Variants in SLC25A28 observed in about 807,000 individuals in gnomAD.
SLC25A28 encodes the protein mitoferrin-2.
Under a neutral mutation model 31.9 loss-of-function variants are expected in SLC25A28, and 10 were observed. That is an observed-to-expected ratio of 0.31 (90% CI 0.19 to 0.53). The LOEUF is 0.53. SLC25A28 is among the 20% of genes least tolerant of loss of function. The pLI, the probability that SLC25A28 is intolerant of heterozygous loss-of-function variation, is 0.95. For missense variants in SLC25A28, 256 were observed against 490.3 expected, an observed-to-expected ratio of 0.52 and a Z score of 4.51; for synonymous variants, 208 against 203.6, an observed-to-expected ratio of 1.02 and a Z score of -0.19.
the SLC25A28 span, among the ~76,000 whole-genome samples, chr10:99,640,345 T>C: frequency 1.3e-5 from 2 of 152,220 alleles, no homozygotes; most frequent in African/African-American, 2.4e-5. Context: ...ATTATGGCTA[T>C]TGGCAGGAGG....
chr10:99,658,734 A>G, the SLC25A28 span, among the ~76,000 whole-genome samples: 1 of 152,088 alleles, frequency 6.6e-6, no homozygotes, highest in Non-Finnish European at 1.5e-5. Flanking sequence ...GGCGCAATGG[A>G]TGTGCCACGT....
At chr10:99,644,022 C>A in the SLC25A28 span, among the ~76,000 whole-genome samples, 1 of 152,160 alleles carries the variant, frequency 6.6e-6, no homozygotes, top group African/African-American at 2.4e-5. Flanking sequence ...CGATGTGGTG[C>A]TGAGAAGAAT....
chr10:99,636,929 A>G, the SLC25A28 span, among the ~76,000 whole-genome samples: 34 of 152,332 alleles, frequency 2.2e-4, no homozygotes, highest in Admixed American at 5.2e-4. Context: ...AACCCTCCCT[A>G]ATTCATTCTA....
chr10:99,628,717 A>C, the SLC25A28 span, among the ~76,000 whole-genome samples: 1 of 152,208 alleles, frequency 6.6e-6, no homozygotes, highest in South Asian at 2.1e-4. Flanking sequence ...GCTACTCAGG[A>C]GGCTGAGGCA....
the SLC25A28 span, among the ~76,000 whole-genome samples, chr10:99,630,336 GT>G: frequency 1.3e-5 from 2 of 152,110 alleles, no homozygotes; most frequent in East Asian, 3.9e-4. Context: ...GTTTCACCAC[GT>G]TGGCGAGGCT....
chr10:99,635,122 C>T, the SLC25A28 span, among the ~76,000 whole-genome samples: 1 of 152,162 alleles, frequency 6.6e-6, no homozygotes, highest in African/African-American at 2.4e-5. Context: ...TACGAAGTCA[C>T]CATTACAAGA....
At chr10:99,658,060 G>C in the SLC25A28 span, among the ~76,000 whole-genome samples, 39 of 152,224 alleles carry the variant, frequency 2.6e-4, no homozygotes, top group African/African-American at 7.7e-4. Flanking sequence ...ATGGTGGCAC[G>C]TGCCTGTAGA....
chr10:99,649,147 A>T, the SLC25A28 span, among the ~76,000 whole-genome samples: 1 of 152,124 alleles, frequency 6.6e-6, no homozygotes, highest in African/African-American at 2.4e-5. Context: ...TAGTTTATTG[A>T]GGATTTTTAT....
the SLC25A28 span, among the ~76,000 whole-genome samples, chr10:99,638,163 T>G: frequency 6.6e-6 from 1 of 152,140 alleles, no homozygotes; most frequent in South Asian, 2.1e-4. Flanking sequence ...CCAACTGATC[T>G]TCGATAAAGC....
chr10:99,617,740 T>C, intron 1 of SLC25A28: 2 of 985,476 alleles, frequency 2.0e-6, no homozygotes, highest in South Asian at 9.4e-5. Flanking sequence ...TTCGTATTGT[T>C]GACAACTCCT....
the SLC25A28 span, among the ~76,000 whole-genome samples, chr10:99,631,983 G>A: frequency 8.6e-5 from 11 of 127,394 alleles, no homozygotes; most frequent in African/African-American, 3.2e-4. Flanking sequence ...TGCAAGCTCC[G>A]CCTCCCGGGT....
At chr10:99,628,815 C>T in the SLC25A28 span, among the ~76,000 whole-genome samples, 1 of 152,152 alleles carries the variant, frequency 6.6e-6, no homozygotes, top group Non-Finnish European at 1.5e-5. Flanking sequence ...GAGCAAAATT[C>T]TGACTCAAAA....
chr10:99,627,601 C>G, the SLC25A28 span, among the ~76,000 whole-genome samples: 1 of 152,022 alleles, frequency 6.6e-6, no homozygotes, highest in African/African-American at 2.4e-5. Context: ...CTAATACATC[C>G]GGCTAATTTT....
chr10:99,612,818 T>C (rs1000971979), intron 2 of SLC25A28, among the ~76,000 whole-genome samples: 2 of 152,140 alleles, frequency 1.3e-5, no homozygotes, highest in Admixed American at 6.5e-5. Context: ...GTATTCCACA[T>C]CCATGATAGG....
At chr10:99,614,679 G>C (rs1045328980) in intron 1 of SLC25A28, among the ~76,000 whole-genome samples, 1 of 152,184 alleles carries the variant, frequency 6.6e-6, no homozygotes, top group East Asian at 1.9e-4. Context: ...GAATAAAAGC[G>C]TAGGGTAGAC....
chr10:99,651,594 C>CTTTTTTTTTTTTTTTTTTTTTTTT, the SLC25A28 span, among the ~76,000 whole-genome samples: 14 of 110,186 alleles, frequency 1.3e-4, 1 homozygote, highest in Admixed American at 2.3e-4. Context: ...TTTTTCTTTT[C>CTTTTTTTTTTTTTTTTTTTTTTTT]TTTTTTTTTT....
chr10:99,651,716 G>C, the SLC25A28 span, among the ~76,000 whole-genome samples: 1 of 150,334 alleles, frequency 6.7e-6, no homozygotes, highest in Non-Finnish European at 1.5e-5. Flanking sequence ...TCAGCCTCCT[G>C]AGTAACTCGG....
At chr10:99,622,922 G>A (rs1473319745), upstream of SLC25A28, among the ~76,000 whole-genome samples, 1 of 152,022 alleles carries the variant, frequency 6.6e-6, no homozygotes, top group Non-Finnish European at 1.5e-5. Context: ...CATAGTCCAT[G>A]TTCTCATGGA....
chr10:99,641,440 T>C, the SLC25A28 span, among the ~76,000 whole-genome samples: 1 of 152,334 alleles, frequency 6.6e-6, no homozygotes, highest in East Asian at 1.9e-4. Context: ...TAAATTTGTT[T>C]AAATTCTTTG....
Sources: allele counts gnomAD v4.1 joint callset (sites outside exome capture counted in the v4.1 genomes callset), GRCh38; gene constraint gnomAD v4.1.1; transcripts MANE v1.5; gene names NCBI Gene and HGNC (gene_info 2026-07-23, HGNC 2026-07-21).